Variants in SEMA6D observed in about 807,000 individuals in gnomAD.
The protein encoded by SEMA6D is semaphorin 6D.
Under a neutral mutation model 106.6 loss-of-function variants are expected in SEMA6D, and 35 were observed. That is an observed-to-expected ratio of 0.33 (90% CI 0.25 to 0.44). SEMA6D has a LOEUF of 0.44. Ranked by LOEUF, SEMA6D falls within the 20% of genes least tolerant of loss-of-function variation. The pLI, the probability that SEMA6D is intolerant of heterozygous loss-of-function variation, is 1.00. For missense variants in SEMA6D, 1,185 were observed against 1,345.9 expected, an observed-to-expected ratio of 0.88 and a Z score of 1.87; for synonymous variants, 499 against 487.7, an observed-to-expected ratio of 1.02 and a Z score of -0.31.
At chr15:47,561,658 G>A (rs1012456061) in intron 3 of SEMA6D, among the ~76,000 whole-genome samples, 14 of 149,588 alleles carry the variant, frequency 9.4e-5, no homozygotes, top group Non-Finnish European at 3.0e-5. Flanking sequence ...ATTTTTTAAG[G>A]GTATTTTAAA....
At chr15:47,334,262 A>G (rs888565402) in intron 1 of SEMA6D, among the ~76,000 whole-genome samples, 9 of 152,150 alleles carry the variant, frequency 5.9e-5, no homozygotes, top group Admixed American at 5.2e-4. Context: ...TATCCTTTGT[A>G]AAATCCTTTA....
intron 3 of SEMA6D, among the ~76,000 whole-genome samples, chr15:47,560,181 AAAG>A: frequency 6.6e-6 from 1 of 152,028 alleles, no homozygotes; most frequent in Admixed American, 6.6e-5. Context: ...CAAAGCATGC[AAAG>A]AAGCAAGAAA....
intron 1 of SEMA6D, among the ~76,000 whole-genome samples, chr15:47,368,611 C>T (rs2145332076): frequency 6.6e-6 from 1 of 151,994 alleles, no homozygotes; most frequent in South Asian, 2.1e-4. Context: ...GCTGGGACTA[C>T]AGGCGCCCGC....
intron 3 of SEMA6D, among the ~76,000 whole-genome samples, chr15:47,481,426 T>C (rs530387956): frequency 5.3e-5 from 8 of 152,170 alleles, no homozygotes; most frequent in Non-Finnish European, 1.2e-4. Context: ...TAGCAAACTT[T>C]TAAAACTCTT....
intron 1 of SEMA6D, among the ~76,000 whole-genome samples, chr15:47,347,277 G>C (rs2038084930): frequency 1.3e-5 from 2 of 152,142 alleles, no homozygotes; most frequent in Non-Finnish European, 2.9e-5. Context: ...TAGAGTGATG[G>C]TAAAAATTAA....
chr15:47,572,316 AT>A (rs1047311520), intron 3 of SEMA6D, among the ~76,000 whole-genome samples: 35 of 152,256 alleles, frequency 2.3e-4, no homozygotes, highest in Admixed American at 2.2e-3. Flanking sequence ...TATATAATAA[AT>A]TATTTGTGTA....
chr15:47,292,651 A>G (rs985997005), intron 1 of SEMA6D, among the ~76,000 whole-genome samples: 1 of 152,186 alleles, frequency 6.6e-6, no homozygotes, highest in Non-Finnish European at 1.5e-5. Flanking sequence ...TGTAAGGGAT[A>G]CACAGACAAA....
At chr15:47,442,011 T>C (rs1016578099) in intron 2 of SEMA6D, among the ~76,000 whole-genome samples, 14 of 152,096 alleles carry the variant, frequency 9.2e-5, no homozygotes, top group Non-Finnish European at 1.6e-4. Flanking sequence ...CACACCTCCT[T>C]CATCATATAC....
intron 3 of SEMA6D, among the ~76,000 whole-genome samples, chr15:47,562,590 A>T (rs2046112778): frequency 6.6e-6 from 1 of 152,080 alleles, no homozygotes; most frequent in South Asian, 2.1e-4. Context: ...GGCCATAAGC[A>T]CATGACAATA....
At chr15:47,616,578 A>AG (rs957416851) in intron 4 of SEMA6D, among the ~76,000 whole-genome samples, 13 of 26,108 alleles carry the variant, frequency 5.0e-4, no homozygotes, top group African/African-American at 9.0e-4. Flanking sequence ...CTCTCCAAAG[A>AG]GGAAAAAAAA....
intron 3 of SEMA6D, among the ~76,000 whole-genome samples, chr15:47,509,451 T>G (rs1005764890): frequency 1.3e-5 from 2 of 152,182 alleles, no homozygotes; most frequent in African/African-American, 4.8e-5. Context: ...CCTCCTGTTG[T>G]CAGCCCCTTC....
At chr15:47,429,691 C>G (rs1374400593) in intron 2 of SEMA6D, among the ~76,000 whole-genome samples, 3 of 152,078 alleles carry the variant, frequency 2.0e-5, no homozygotes, top group African/African-American at 7.2e-5. Context: ...TGGTTAAGGC[C>G]ACTGTGCTCT....
At chr15:47,441,812 T>G (rs531677632) in intron 2 of SEMA6D, among the ~76,000 whole-genome samples, 58 of 152,056 alleles carry the variant, frequency 3.8e-4, no homozygotes, top group Non-Finnish European at 7.8e-4. Context: ...AGCCTGTAGA[T>G]GGCTGATTTC....
At chr15:47,694,776 T>C (rs1912640) in intron 4 of SEMA6D, among the ~76,000 whole-genome samples, 133,894 of 152,148 alleles carry the variant, frequency 0.88, 59,542 homozygotes, top group Middle Eastern at 0.95. Flanking sequence ...GGAAAGAATA[T>C]GGCAGCTTTT....
intron 3 of SEMA6D, among the ~76,000 whole-genome samples, chr15:47,516,418 C>T (rs2044389435): frequency 1.3e-5 from 2 of 152,152 alleles, no homozygotes; most frequent in Admixed American, 1.3e-4. Flanking sequence ...GACTAGTCAA[C>T]TTACTTTTCA....
At chr15:47,307,398 C>A (rs1021212675) in intron 1 of SEMA6D, among the ~76,000 whole-genome samples, 1 of 152,158 alleles carries the variant, frequency 6.6e-6, no homozygotes, top group Admixed American at 6.6e-5. Flanking sequence ...AATGGAAACA[C>A]ACTTGAAGGA....
At chr15:47,263,019 C>T (rs1316103835) in intron 1 of SEMA6D, among the ~76,000 whole-genome samples, 1 of 151,950 alleles carries the variant, frequency 6.6e-6, no homozygotes, top group East Asian at 1.9e-4. Flanking sequence ...AACTGGACCC[C>T]CTTTTTTACA....
chr15:47,697,962 G>T (rs1215632753), intron 4 of SEMA6D, among the ~76,000 whole-genome samples: 1 of 152,194 alleles, frequency 6.6e-6, no homozygotes, highest in Non-Finnish European at 1.5e-5. Flanking sequence ...ATTGCCAACT[G>T]CTCTGGGTCG....
intron 3 of SEMA6D, among the ~76,000 whole-genome samples, chr15:47,495,016 A>G (rs1016012104): frequency 6.6e-6 from 1 of 151,366 alleles, no homozygotes; most frequent in Non-Finnish European, 1.5e-5. Context: ...TTACCATACC[A>G]GTATCTCAAG....
Sources: gnomAD v4.1 joint callset for allele counts (sites outside exome capture counted in the v4.1 genomes callset) on GRCh38, gnomAD v4.1.1 for gene constraint, MANE v1.5 for transcripts, NCBI Gene and HGNC (gene_info 2026-07-23, HGNC 2026-07-21) for gene names.